Variants in ATP2B1 observed in about 807,000 individuals in gnomAD.
ATP2B1 encodes ATPase plasma membrane Ca2+ transporting 1.
ATP2B1 carries 14 observed loss-of-function variants against 124.2 expected under a neutral mutation model. The observed-to-expected ratio is 0.11, with a 90% CI of 0.07 to 0.18. The LOEUF is 0.18. Ranked by LOEUF, ATP2B1 falls within the 10% of genes least tolerant of loss-of-function variation. The pLI is 1.00. For missense variants in ATP2B1, 763 were observed against 1,466.1 expected, an observed-to-expected ratio of 0.52 and a Z score of 7.83; for synonymous variants, 449 against 492.4, an observed-to-expected ratio of 0.91 and a Z score of 1.17.
chr12:89,627,820 G>A, intron 6 of ATP2B1, 104 bp from the exon 7 acceptor site: 1 of 1,223,536 alleles, frequency 8.2e-7, no homozygotes, highest in East Asian at 2.4e-5. Flanking sequence ...GTTACACAAT[G>A]GTGTGTGTGT....
intron 1 of ATP2B1, among the ~76,000 whole-genome samples, chr12:89,687,442 G>A (rs1448252894): frequency 6.6e-6 from 1 of 152,060 alleles, no homozygotes; most frequent in Non-Finnish European, 1.5e-5. Context: ...ACGCATTTCT[G>A]TATATGGGAG....
chr12:89,606,135 A>G (rs991359784), intron 15 of ATP2B1, among the ~76,000 whole-genome samples: 9 of 152,188 alleles, frequency 5.9e-5, no homozygotes, highest in African/African-American at 2.2e-4. Context: ...TATTGATCAA[A>G]TCTAAATTAT....
At chr12:89,646,589 G>A (rs973280480) in intron 2 of ATP2B1, among the ~76,000 whole-genome samples, 21 of 152,330 alleles carry the variant, frequency 1.4e-4, no homozygotes, top group Admixed American at 7.8e-4. Flanking sequence ...CATGACAAAT[G>A]ATGTTAAAAG....
intron 1 of ATP2B1, among the ~76,000 whole-genome samples, chr12:89,675,332 G>A (rs1339125361): frequency 5.3e-5 from 8 of 152,138 alleles, no homozygotes; most frequent in Non-Finnish European, 1.2e-4. Flanking sequence ...ACAGTATAGA[G>A]AGAATCATGT....
In ATP2B1 at chr12:89,599,772, A is replaced by G. The variant is rs143538136; in HGVS notation, c.3169-473T>C. Among the ~76,000 whole-genome samples the G allele has an allele frequency of 3.3e-5, 5 of 152,120 alleles. No homozygotes were observed. The East Asian group carries it at 9.6e-4, about 29-fold the overall frequency. On this transcript the variant is annotated intron_variant, in intron 19 of 20. Coordinates refer to ENST00000428670, the MANE Select transcript of ATP2B1 (RefSeq NM_001366521.1). ...TACACTGAAAATAGTTTTGTTACAT[A>G]TTTTTTTTAAAATGCAACAGTTTAA...
intron 8 of ATP2B1, 99 bp downstream of exon 8, chr12:89,626,355 C>A: frequency 7.6e-7 from 1 of 1,320,502 alleles, no homozygotes; most frequent in Non-Finnish European, 1.0e-6. Context: ...CTTCTATTCA[C>A]AAAGCAACAA....
At chr12:89,682,376 G>T (rs1889459296) in intron 1 of ATP2B1, among the ~76,000 whole-genome samples, 1 of 152,038 alleles carries the variant, frequency 6.6e-6, no homozygotes. Context: ...TCGTTTAGGG[G>T]AAACGAAACA....
chr12:89,617,275 T>C (rs1241047559), intron 11 of ATP2B1, among the ~76,000 whole-genome samples: 19 of 152,224 alleles, frequency 1.2e-4, no homozygotes, highest in Non-Finnish European at 1.6e-4. Flanking sequence ...CTAGAACTTC[T>C]CTAAACCTTG....
chr12:89,617,139 T>G, intron 11 of ATP2B1, 100 bp from the exon 12 acceptor site: 3 of 861,374 alleles, frequency 3.5e-6, no homozygotes, highest in Non-Finnish European at 5.5e-6. Context: ...GGATCTGATA[T>G]CTGGAATTTA....
intron 1 of ATP2B1, among the ~76,000 whole-genome samples, chr12:89,669,675 GAAC>G (rs1395293281): frequency 6.6e-6 from 1 of 152,134 alleles, no homozygotes; most frequent in Non-Finnish European, 1.5e-5. Context: ...AAACAGTCAT[GAAC>G]TGTATAGTGT....
intron 1 of ATP2B1, among the ~76,000 whole-genome samples, chr12:89,698,510 G>A (rs1291507954): frequency 2.6e-5 from 4 of 152,102 alleles, no homozygotes; most frequent in African/African-American, 9.7e-5. Flanking sequence ...AGGAAGATAA[G>A]GAGGCACAAA....
chr12:89,598,099 C>G (rs1875054315), intron 20 of ATP2B1, among the ~76,000 whole-genome samples: 1 of 137,158 alleles, frequency 7.3e-6, no homozygotes, highest in African/African-American at 2.7e-5. Context: ...AGAAGGCAAG[C>G]AACTGGCTAT....
intron 1 of ATP2B1, among the ~76,000 whole-genome samples, chr12:89,691,756 C>A (rs535155878): frequency 6.6e-6 from 1 of 152,252 alleles, no homozygotes; most frequent in Non-Finnish European, 1.5e-5. Flanking sequence ...CACTTCCCAG[C>A]ATTCTTAGCC....
intron 8 of ATP2B1, among the ~76,000 whole-genome samples, chr12:89,625,731 C>T (rs984468352): frequency 3.3e-5 from 5 of 152,020 alleles, no homozygotes; most frequent in African/African-American, 1.2e-4. Context: ...CTACATGAGT[C>T]AGCATTACCA....
intron 1 of ATP2B1, among the ~76,000 whole-genome samples, chr12:89,657,039 T>G (rs776056757): frequency 1.3e-5 from 2 of 152,172 alleles, no homozygotes; most frequent in Admixed American, 6.5e-5. Flanking sequence ...CTAATCTGCC[T>G]AAAGATAAGC....
chr12:89,706,298 A>AG (rs1469846800), intron 1 of ATP2B1, among the ~76,000 whole-genome samples: 2 of 152,090 alleles, frequency 1.3e-5, no homozygotes, highest in Non-Finnish European at 2.9e-5. Flanking sequence ...ACAAAAGGTA[A>AG]GTTGTTGGAA....
intron 5 of ATP2B1, 84 bp downstream of exon 5, chr12:89,634,694 G>T: frequency 7.4e-7 from 1 of 1,352,784 alleles, no homozygotes; most frequent in South Asian, 1.5e-5. Flanking sequence ...TTATATTATT[G>T]ACTCTTAGGA....
In ATP2B1 at chr12:89,593,612, T is replaced by C. The variant is rs1464653614; in HGVS notation, c.3352-2317A>G. On this transcript the variant is annotated intron_variant, in intron 20 of 20. Coordinates refer to ENST00000428670, the MANE Select transcript of ATP2B1 (RefSeq NM_001366521.1). ...TAGAGCTCAGAAGAAAAGTGTAAAC[T>C]TAAGTTAGAGATTTGAGAGTTAGTG... 2 of 151,992 alleles carry C rather than the reference T, an allele frequency of 1.3e-5. 1 individual carries two copies. Among genetic ancestry groups the C allele is most frequent in the Middle Eastern group, 6.3e-3 (2 of 316 alleles). The allele number at this position is 151,992 out of a possible 1,614,324, so 9.4% of individuals were successfully genotyped here.
At chr12:89,642,403 T>A (rs774236144) in intron 2 of ATP2B1, 48 bp from the exon 3 acceptor site, 17 of 1,508,662 alleles carry the variant, frequency 1.1e-5, no homozygotes, top group Non-Finnish European at 9.1e-7. Flanking sequence ...TTCTTACAAA[T>A]GAAAATATAT....
Sources: gnomAD v4.1 joint callset for allele counts (sites outside exome capture counted in the v4.1 genomes callset) on GRCh38, gnomAD v4.1.1 for gene constraint, MANE v1.5 for transcripts, NCBI Gene and HGNC (gene_info 2026-07-23, HGNC 2026-07-21) for gene names.